ADGRG6: variants seen among roughly 807,000 people sequenced by gnomAD.
ADGRG6 encodes the protein G-protein coupled receptor 126.
ADGRG6 carries 84 observed loss-of-function variants against 142.4 expected under a neutral mutation model. That is an observed-to-expected ratio of 0.59 (90% CI 0.49 to 0.71). The LOEUF is 0.71. Among genes scored for constraint, ADGRG6 ranks in the 30% least tolerant of loss-of-function variants. The pLI is 0.00. For synonymous variants in ADGRG6, 521 were observed against 520.5 expected, an observed-to-expected ratio of 1.00 and a Z score of -0.01; for missense variants, 1,367 against 1,466.6, an observed-to-expected ratio of 0.93 and a Z score of 1.11.
intron 15 of ADGRG6, 78 bp downstream of exon 15, chr6:142,405,906 C>A: frequency 9.6e-7 from 1 of 1,038,082 alleles, no homozygotes; most frequent in Non-Finnish European, 1.4e-6. Context: ...ACTTTAGATT[C>A]TGTTGAAATA....
At chr6:142,420,891 G>T (rs1263158448) in intron 22 of ADGRG6, among the ~76,000 whole-genome samples, 1 of 152,134 alleles carries the variant, frequency 6.6e-6, no homozygotes, top group Non-Finnish European at 1.5e-5. Flanking sequence ...AAACTCCTTA[G>T]TGTGCAGAAG....
intron 14 of ADGRG6, among the ~76,000 whole-genome samples, chr6:142,404,608 C>T (rs530491211): frequency 1.3e-5 from 2 of 152,196 alleles, no homozygotes; most frequent in East Asian, 3.9e-4. Context: ...CATGCCACTT[C>T]CCTCCAGCCT....
intron 13 of ADGRG6, 142 bp from the exon 14 acceptor site, chr6:142,403,660 A>G: frequency 1.8e-6 from 1 of 561,078 alleles, no homozygotes; most frequent in Non-Finnish European, 3.1e-6. Flanking sequence ...GATTGGGGTA[A>G]TTTTATGGGT....
In ADGRG6 at chr6:142,305,021, A is replaced by G. The variant is rs1414472848; in HGVS notation, c.2+2690A>G. Among the ~76,000 whole-genome samples the G allele has an allele frequency of 4.6e-5, 7 of 152,364 alleles. No individual in the cohort carries two copies. The East Asian group carries it at 7.7e-4, about 17-fold the overall frequency. ...TATTTAAAACAGAGCAAATATGACAAAAGTTTAACATATTTAAAATAAGTC... is the reference window on the plus strand; with the variant it reads ...TATTTAAAACAGAGCAAATATGACAGAAGTTTAACATATTTAAAATAAGTC... On this transcript the variant is annotated intron_variant, in intron 1 of 24. Coordinates refer to ENST00000367609, the MANE Select transcript of ADGRG6 (RefSeq NM_198569.3).
intron 2 of ADGRG6, among the ~76,000 whole-genome samples, chr6:142,356,713 GA>G (rs752180799): frequency 2.6e-5 from 4 of 151,930 alleles, no homozygotes; most frequent in Admixed American, 2.6e-4. Flanking sequence ...TTCAGATGTG[GA>G]AATCAGAACC....
At chr6:142,403,521 G>C (rs2115022676) in intron 13 of ADGRG6, among the ~76,000 whole-genome samples, 1 of 152,202 alleles carries the variant, frequency 6.6e-6, no homozygotes, top group East Asian at 1.9e-4. Flanking sequence ...TGTTGGAAAA[G>C]AGAGGCTAAA....
intron 22 of ADGRG6, among the ~76,000 whole-genome samples, chr6:142,423,514 G>C (rs1776769318): frequency 6.6e-6 from 1 of 150,422 alleles, no homozygotes; most frequent in African/African-American, 2.4e-5. Context: ...GCTCTGTTCT[G>C]TTCCATTGAT....
intron 2 of ADGRG6, among the ~76,000 whole-genome samples, chr6:142,342,214 A>G (rs1779691285): frequency 6.6e-6 from 1 of 152,054 alleles, no homozygotes; most frequent in South Asian, 2.1e-4. Context: ...TGGAAAAAAA[A>G]ATTCTCCAGA....
rs757203827 is a variant in ADGRG6, at chr6:142,400,526, C to T, written c.1609C>T (p.Pro537Ser). 1.2e-6 allele frequency: 2 copies of T among 1,603,054 alleles called. No individual in the cohort carries two copies. The highest frequency in any genetic ancestry group is 1.1e-5 in the South Asian group (1 of 90,752). Reference sequence around the variant, plus strand: ...GGAGGAACCCAAAGGCTACTACTGGCCATCTATCCAACCTTCTGAATACGT... The same window carrying T: ...GGAGGAACCCAAAGGCTACTACTGGTCATCTATCCAACCTTCTGAATACGT... ...AMEEPKGYYW[P>S]SIQPSEYVLP... Residue 537 changes from proline (P) to serine (S), a missense_variant, in exon 11 of 25, where the codon CCA becomes TCA. By Grantham distance (74) the Pro-to-Ser change is moderately conservative. Around this residue, in one of 3 missense-constraint regions of ADGRG6, gnomAD observed 737 missense variants for 746.5 expected, o/e 0.99. Transcript: ENST00000367609.
chr6:142,304,704 C>T (rs1029829892), intron 1 of ADGRG6, among the ~76,000 whole-genome samples: 1 of 152,078 alleles, frequency 6.6e-6, no homozygotes, highest in Non-Finnish European at 1.5e-5. Flanking sequence ...GATTTTTAAT[C>T]AAAAGTTTCT....
At position 142,382,027 on chromosome 6, in the gene ADGRG6, G is replaced by A. The variant is rs369567973; in HGVS notation, c.1138+8G>A. The A allele has an allele frequency of 2.3e-5, 36 of 1,558,546 alleles. No individual in the cohort carries two copies. The African/African-American group carries it at 4.1e-4, about 18-fold the overall frequency. ...TGGGGACCCTCTGTCAAGGTAGGGA[G>A]CCCACACCGTGCTCTGGAATCTCTT... On this transcript the variant is annotated splice_region_variant and intron_variant, in intron 5 of 24. Transcript: ENST00000367609.
At chr6:142,437,564 C>A in intron 23 of ADGRG6, 29 bp downstream of exon 23, 1 of 1,009,796 alleles carries the variant, frequency 9.9e-7, no homozygotes. Flanking sequence ...AATTTTACAT[C>A]TACAAGTAGA....
chr6:142,407,932 A>G (rs1775890005), intron 15 of ADGRG6, among the ~76,000 whole-genome samples: 1 of 152,168 alleles, frequency 6.6e-6, no homozygotes, highest in Non-Finnish European at 1.5e-5. Context: ...ACTCAGTCTT[A>G]CAATATTGGC....
intron 24 of ADGRG6, among the ~76,000 whole-genome samples, chr6:142,441,613 C>T (rs1777759083): frequency 6.6e-6 from 1 of 152,130 alleles, no homozygotes; most frequent in Non-Finnish European, 1.5e-5. Context: ...TTCAAAATCT[C>T]TAAAAGTACA....
In ADGRG6 at chr6:142,425,267, C is replaced by T. The variant is rs138170288; in HGVS notation, c.3319+5163C>T. ...GAGCTGCCCAGTAGGGTCTGTAGGG[C>T]GAGCAGGTAGGAGGAGACTCTCAGT... On this transcript the variant is annotated intron_variant, in intron 22 of 24. Transcript: ENST00000367609. Among the ~76,000 whole-genome samples, 637 of 152,166 alleles carry T rather than the reference C, an allele frequency of 4.2e-3. 17 individuals carry two copies. The highest frequency in any genetic ancestry group is 0.038 in the Admixed American group (584 of 15,260).
chr6:142,421,369 C>A (rs1006086922), intron 22 of ADGRG6, among the ~76,000 whole-genome samples: 3 of 152,126 alleles, frequency 2.0e-5, no homozygotes, highest in Non-Finnish European at 2.9e-5. Context: ...TATGTAGGCT[C>A]ATTATCTTTA....
rs528376644 is a variant in ADGRG6 at position 142,320,009 on chromosome 6, A to G, written c.103+10365A>G. Reference sequence around the variant, plus strand: ...AGTATATGTTAGCTTTTAGGGCAGAATACATAAACCAGTTTGTTCACGTGG... The same window carrying G: ...AGTATATGTTAGCTTTTAGGGCAGAGTACATAAACCAGTTTGTTCACGTGG... On this transcript the variant is annotated intron_variant, in intron 2 of 24. Transcript: ENST00000367609. Among the ~76,000 whole-genome samples the G allele has an allele frequency of 3.3e-5, 5 of 152,250 alleles. No homozygotes were observed. In the East Asian group the frequency reaches 9.7e-4, roughly 29 times the overall value.
intron 1 of ADGRG6, among the ~76,000 whole-genome samples, chr6:142,307,217 T>A (rs1208605909): frequency 6.6e-6 from 1 of 152,084 alleles, no homozygotes; most frequent in Non-Finnish European, 1.5e-5. Context: ...GAAAGATAAT[T>A]GTCGTATGTC....
chr6:142,420,405 C>T (rs748888125), intron 22 of ADGRG6, among the ~76,000 whole-genome samples: 5 of 152,140 alleles, frequency 3.3e-5, no homozygotes, highest in East Asian at 1.9e-4. Context: ...AGGGAAGTAT[C>T]TAGCTGAGAA....
Sources: allele counts gnomAD v4.1 joint callset (sites outside exome capture counted in the v4.1 genomes callset), GRCh38; gene constraint gnomAD v4.1.1; regional missense constraint gnomAD v4.1.1; transcripts MANE v1.5; gene names NCBI Gene and HGNC (gene_info 2026-07-23, HGNC 2026-07-21).